The following PAAF1 variants were observed in gnomAD, a reference collection of about 807,000 sequenced individuals.
PAAF1 encodes proteasomal ATPase-associated factor 1.
PAAF1 carries 46 observed loss-of-function variants against 52.8 expected under a neutral mutation model. The ratio of observed to expected loss-of-function variants is 0.87; its 90% CI spans 0.69 to 1.11. PAAF1 has a LOEUF of 1.11. Ranked by LOEUF, PAAF1 falls within the 50% of genes most tolerant of loss-of-function variation. PAAF1 has a pLI of 0.00. For synonymous variants in PAAF1, 178 were observed against 172.8 expected, an observed-to-expected ratio of 1.03 and a Z score of -0.24; for missense variants, 424 against 477.4, an observed-to-expected ratio of 0.89 and a Z score of 1.04.
In PAAF1 at chr11:73,923,047, C is replaced by G. The variant is rs1298369768; in HGVS notation, c.1019-1568C>G. Among the ~76,000 whole-genome samples, 8 of 152,136 alleles carry G rather than the reference C, an allele frequency of 5.3e-5. No homozygotes were observed. The East Asian group carries it at 1.5e-3, about 29-fold the overall frequency. On this transcript the variant is annotated intron_variant, in intron 10 of 11. Transcript: ENST00000310571. ...AATATATTGCTAATCTTGTTTTACC[C>G]ATTCCCTTGCATTCCTCAGTCTTCA...
intron 10 of PAAF1, among the ~76,000 whole-genome samples, chr11:73,921,390 G>A (rs1950212602): frequency 1.4e-5 from 2 of 144,492 alleles, no homozygotes; most frequent in Non-Finnish European, 3.0e-5. Flanking sequence ...TCTACTTTTT[G>A]TACTTTTTTT....
chr11:73,921,279 G>A (rs1322262866), intron 10 of PAAF1, among the ~76,000 whole-genome samples: 1 of 147,514 alleles, frequency 6.8e-6, no homozygotes, highest in African/African-American at 2.6e-5. Context: ...CAGCCTCAGC[G>A]ACAGAGTGAG....
At chr11:73,915,512 G>C (rs1950039883) in intron 8 of PAAF1, among the ~76,000 whole-genome samples, 1 of 152,222 alleles carries the variant, frequency 6.6e-6, no homozygotes, top group Non-Finnish European at 1.5e-5. Flanking sequence ...GGAGGCTGAG[G>C]TGGGAATATC....
chr11:73,924,453 C>CA (rs967144612), intron 10 of PAAF1, among the ~76,000 whole-genome samples, 162 bp from the exon 11 acceptor site: 7 of 150,856 alleles, frequency 4.6e-5, no homozygotes, highest in Non-Finnish European at 7.4e-5. Flanking sequence ...TCTCAAAAAA[C>CA]AAAAAAAAAG....
At chr11:73,889,334 A>G in intron 3 of PAAF1, 1 of 781,486 alleles carries the variant, frequency 1.3e-6, no homozygotes. Flanking sequence ...TCTCTTAAAC[A>G]GTAGATCTGT....
intron 7 of PAAF1, among the ~76,000 whole-genome samples, 165 bp from the exon 8 acceptor site, chr11:73,914,248 A>G (rs1289377078): frequency 6.6e-6 from 1 of 152,244 alleles, no homozygotes; most frequent in East Asian, 1.9e-4. Context: ...AAATATATCC[A>G]GTTGTATAAA....
intron 6 of PAAF1, among the ~76,000 whole-genome samples, chr11:73,905,174 G>T (rs1949723235): frequency 6.6e-6 from 1 of 151,840 alleles, no homozygotes; most frequent in Non-Finnish European, 1.5e-5. Context: ...GCAGCTTCTG[G>T]TAAGTCTTAG....
At chr11:73,897,392 GTGGCTGCTGGGCGGAGGGGCTCCT>G in intron 4 of PAAF1, among the ~76,000 whole-genome samples, 1 of 151,578 alleles carries the variant, frequency 6.6e-6, no homozygotes, top group African/African-American at 2.4e-5. Context: ...CTCAGACGGG[GTGGCTGCTGGGCGGAGGGGCTCCT>G]CACTTCTCAG....
At chr11:73,913,201 G>A (rs1386547048) in intron 7 of PAAF1, among the ~76,000 whole-genome samples, 1 of 152,086 alleles carries the variant, frequency 6.6e-6, no homozygotes, top group Non-Finnish European at 1.5e-5. Flanking sequence ...TTTTCCCTTG[G>A]TCTGGAATAT....
chr11:73,919,547 AAAG>A (rs777770609), intron 10 of PAAF1, among the ~76,000 whole-genome samples: 1 of 152,244 alleles, frequency 6.6e-6, no homozygotes, highest in Admixed American at 6.5e-5. Context: ...AGCGGGGGCA[AAAG>A]AAGAAGAGCA....
intron 2 of PAAF1, chr11:73,880,672 G>A (rs542583407): frequency 9.3e-5 from 10 of 107,778 alleles, no homozygotes; most frequent in African/African-American, 3.5e-4. Flanking sequence ...GGATGACTGA[G>A]CAAGACTCTG....
At chr11:73,913,342 C>T (rs1363370887) in intron 7 of PAAF1, among the ~76,000 whole-genome samples, 1 of 152,178 alleles carries the variant, frequency 6.6e-6, no homozygotes. Context: ...CGCCCATAAT[C>T]CCAGCACTTT....
At chr11:73,913,091 G>C (rs1302160219) in intron 7 of PAAF1, among the ~76,000 whole-genome samples, 2 of 152,110 alleles carry the variant, frequency 1.3e-5, no homozygotes, top group African/African-American at 4.8e-5. Context: ...TGGCCAGGCT[G>C]GTCTTAAACT....
Position 73,878,809 on chromosome 11 carries a change from T to C in PAAF1, c.78T>C (p.Cys26=). Residue 26 remains cysteine, a synonymous_variant, in exon 2 of 12, where the codon TGT becomes TGC. Transcript: ENST00000310571. ...ATGAAGGGGAGGCCTGGCTGAGCTG[T>C]CATCCCCCAGGTAATACCCATGAAT... The part of the protein sequence containing the change: ...RKDEGEAWLS[C]HPPGKPSLYG... 2 of 1,613,872 alleles carry C rather than the reference T, an allele frequency of 1.2e-6. No individual in the cohort carries two copies. Among genetic ancestry groups the C allele is most frequent in the Non-Finnish European group, 1.7e-6 (2 of 1,179,842 alleles).
intron 2 of PAAF1, among the ~76,000 whole-genome samples, chr11:73,881,961 G>A (rs566664727): frequency 2.0e-5 from 3 of 151,900 alleles, no homozygotes; most frequent in South Asian, 2.1e-4. Flanking sequence ...TGCAACCTCC[G>A]CCTCCCAGAT....
chr11:73,876,815 C>G (rs371802088), upstream of PAAF1: 1,080 of 448,500 alleles, frequency 2.4e-3, 9 homozygotes, highest in African/African-American at 0.018. Flanking sequence ...TTGGGTTTCG[C>G]AGGCGGTTGG....
In PAAF1 at chr11:73,880,686, CGAAAAAAAAAAAAAA is replaced by C. The variant is rs1334105599; in HGVS notation, c.88+1868_88+1882del. On this transcript the variant is annotated intron_variant, in intron 2 of 11. Transcript: ENST00000310571. ...TGGATGACTGAGCAAGACTCTGTCT[CGAAAAAAAAAAAAAA>C]AAAAAAAAAAAAAAAAGCCAGGCAC... 3 of 38,056 alleles carry C rather than the reference CGAAAAAAAAAAAAAA, an allele frequency of 7.9e-5. No homozygotes were observed. The Admixed American group carries it at 1.1e-3, about 14-fold the overall frequency. 2.4% of individuals were successfully genotyped at this position (38,056 alleles called of 1,614,324 possible).
chr11:73,927,448 C>CT lies in PAAF1; in HGVS notation c.*86_*87insT. Reference sequence around the variant, plus strand: ...AAACATCATCAGTCCTTCCCAAGGACCATGGCGTTTAATGTCTTGGGCACC... The same window carrying CT: ...AAACATCATCAGTCCTTCCCAAGGACTCATGGCGTTTAATGTCTTGGGCACC... On this transcript the variant is annotated 3_prime_UTR_variant, in exon 12 of 12. Coordinates refer to ENST00000310571, the MANE Select transcript of PAAF1 (RefSeq NM_025155.3). 1 of 1,168,504 alleles carries CT rather than the reference C, an allele frequency of 8.6e-7. No individual in the cohort carries two copies. Among genetic ancestry groups the CT allele is most frequent in the Non-Finnish European group, 1.3e-6 (1 of 790,936 alleles). The allele number at this position is 1,168,504 out of a possible 1,614,324, so 72.4% of individuals were successfully genotyped here.
rs374529624 is a variant in PAAF1, at chr11:73,924,174, G to A, written c.1019-441G>A. Among the ~76,000 whole-genome samples the A allele has an allele frequency of 5.3e-4, 80 of 152,290 alleles. No homozygotes were observed. The South Asian group carries it at 0.013, about 25-fold the overall frequency. ...AGATCATCATAATTGGCCCACATAG[G>A]CCGGGTATGGTGGCTCACGCTTGTA... On this transcript the variant is annotated intron_variant, in intron 10 of 11. Coordinates refer to ENST00000310571, the MANE Select transcript of PAAF1 (RefSeq NM_025155.3).
Sources: allele counts gnomAD v4.1 joint callset (sites outside exome capture counted in the v4.1 genomes callset), GRCh38; gene constraint gnomAD v4.1.1; transcripts MANE v1.5; gene names NCBI Gene and HGNC (gene_info 2026-07-23, HGNC 2026-07-21).